The following JAK1 variants were observed in gnomAD, a reference collection of about 807,000 sequenced individuals.
JAK1 encodes Janus kinase 1.
In JAK1, 16 loss-of-function variants were observed where a neutral mutation model predicts 136.6. The ratio of observed to expected loss-of-function variants is 0.12; its 90% CI spans 0.08 to 0.18. The LOEUF is 0.18. Among genes scored for constraint, JAK1 ranks in the 10% least tolerant of loss-of-function variants. The probability of loss-of-function intolerance (pLI) is 1.00; values close to 1 mark genes in which losing one functional copy is unlikely to be tolerated. For missense variants in JAK1, 859 were observed against 1,450.1 expected (o/e 0.59, Z 6.62); for synonymous variants, 492 against 519.5 (o/e 0.95, Z 0.72).
At chr1:64,954,357 TA>T (rs925806955) in intron 1 of JAK1, among the ~76,000 whole-genome samples, 117 of 152,292 alleles carry the variant, frequency 7.7e-4, no homozygotes, top group African/African-American at 2.7e-3. Context: ...ACTGACACAG[TA>T]AAAGCTAATA....
intron 20 of JAK1, among the ~76,000 whole-genome samples, chr1:64,839,067 A>G (rs1654699733): frequency 6.9e-6 from 1 of 144,634 alleles, no homozygotes. Context: ...AATGGCGTGA[A>G]CCCGGGAGGC....
At position 64,984,278 on chromosome 1, in the gene JAK1, T is replaced by C. The variant is rs1265841062; in HGVS notation, c.-78+60202A>G. Among the ~76,000 whole-genome samples the C allele has an allele frequency of 1.3e-5, 2 of 152,166 alleles. No individual in the cohort carries two copies. The highest frequency in any genetic ancestry group is 2.9e-5 in the Non-Finnish European group (2 of 68,036). On this transcript the variant is annotated intron_variant, in intron 2 of 25. Coordinates refer to the JAK1 transcript ENST00000671954. The surrounding 1 kb of genome is among the most constrained non-coding windows in gnomAD (Gnocchi z 4.1). ...CTGGTAAGTCTGCGGTTGGGGGAACTGCACCTTACTTTTCCTCCCCTATAT... is the reference window on the plus strand; with the variant it reads ...CTGGTAAGTCTGCGGTTGGGGGAACCGCACCTTACTTTTCCTCCCCTATAT...
At chr1:65,004,910 A>G (rs1646791562) in intron 2 of JAK1, among the ~76,000 whole-genome samples, 1 of 152,164 alleles carries the variant, frequency 6.6e-6, no homozygotes, top group South Asian at 2.1e-4. Context: ...TTTATTTCTG[A>G]TATCGTGAAG....
intron 1 of JAK1, among the ~76,000 whole-genome samples, chr1:64,945,264 G>A (rs1441002772): frequency 6.6e-6 from 1 of 152,028 alleles, no homozygotes; most frequent in Non-Finnish European, 1.5e-5. Flanking sequence ...TTCAAGGCAT[G>A]GAAAAAGGTA....
intron 18 of JAK1, 50 bp downstream of exon 18, chr1:64,841,401 G>C (rs370404017): frequency 9.9e-6 from 16 of 1,612,394 alleles, no homozygotes; most frequent in African/African-American, 6.7e-5. Flanking sequence ...TGCCACCCAG[G>C]CTCCTGTTTC....
At chr1:65,005,126 A>G (rs1338006598) in intron 2 of JAK1, among the ~76,000 whole-genome samples, 1 of 152,186 alleles carries the variant, frequency 6.6e-6, no homozygotes. Flanking sequence ...AAAGCATTTT[A>G]TCAAACGAAA....
chr1:64,853,516 TCTC>T (rs965266339), intron 11 of JAK1, among the ~76,000 whole-genome samples: 18 of 152,274 alleles, frequency 1.2e-4, no homozygotes, highest in African/African-American at 4.1e-4. Context: ...ACATGAAAGA[TCTC>T]CAAACAACGC....
intron 2 of JAK1, chr1:64,991,516 A>G (rs1227451384): frequency 6.6e-6 from 1 of 152,230 alleles, no homozygotes; most frequent in Non-Finnish European, 1.5e-5. Context: ...CTCAAACTAA[A>G]TAATTACATG....
At chr1:64,902,548 T>TTG (rs1645123001) in intron 1 of JAK1, among the ~76,000 whole-genome samples, 724 of 54,916 alleles carry the variant, frequency 0.013, 5 homozygotes, top group African/African-American at 0.061. Flanking sequence ...ACTCATGAAT[T>TTG]TGTGAGAGAG....
intron 2 of JAK1, among the ~76,000 whole-genome samples, chr1:64,999,955 T>C (rs749004998): frequency 1.3e-5 from 2 of 151,660 alleles, no homozygotes; most frequent in Non-Finnish European, 2.9e-5. Flanking sequence ...TTATAGAAAG[T>C]CTGGGAAAAT....
chr1:64,924,416 T>G (rs569646187), intron 1 of JAK1, among the ~76,000 whole-genome samples: 17 of 152,170 alleles, frequency 1.1e-4, no homozygotes, highest in Non-Finnish European at 2.2e-4. Context: ...TCCACAGGAC[T>G]ATTGCTGTGC....
At chr1:65,008,568 A>G (rs564114483) in intron 2 of JAK1, among the ~76,000 whole-genome samples, 134 of 152,004 alleles carry the variant, frequency 8.8e-4, no homozygotes, top group Middle Eastern at 3.4e-3. Context: ...AGCATGCCCC[A>G]CTGACTTTTC....
rs367997081 is a variant in JAK1 at position 64,879,142 on chromosome 1, G to C, written c.212C>G (p.Ser71Cys). ...CIRAAQACRI[S>C]PLCHNLFALY... ...GGCAAAGAGGTTGTGACAAAGAGGA[G>C]AGATACCTGAGGAAAAGTAAAAAAA... The change falls in exon 4 of 25, where the codon TCT (serine) becomes TGT (cysteine). Residue 71 changes from serine (S) to cysteine (C), a missense_variant. By Grantham distance (112) the Ser-to-Cys change is moderately radical. This residue lies in a region of JAK1 where 353 missense variants were observed against 494.0 expected (regional missense o/e 0.71). Coordinates refer to ENST00000342505, the MANE Select transcript of JAK1 (RefSeq NM_002227.4). The C allele has an allele frequency of 1.2e-6, 2 of 1,613,940 alleles. No individual in the cohort carries two copies. The highest frequency in any genetic ancestry group is 1.7e-5 in the Admixed American group (1 of 59,990).
At chr1:64,862,655 ACAGGATGGGG>A (rs1656423537) in intron 8 of JAK1, among the ~76,000 whole-genome samples, 1 of 152,190 alleles carries the variant, frequency 6.6e-6, no homozygotes, top group Admixed American at 6.5e-5. Context: ...CCAGGACAGG[ACAGGATGGGG>A]CAGGCTCATA....
At chr1:64,929,737 A>G (rs1021544536) in intron 1 of JAK1, among the ~76,000 whole-genome samples, 3 of 152,146 alleles carry the variant, frequency 2.0e-5, no homozygotes, top group African/African-American at 4.8e-5. Flanking sequence ...AATCTCTTGC[A>G]AAAAGAACAA....
upstream of JAK1, among the ~76,000 whole-genome samples, chr1:64,967,968 A>C (rs767944167): frequency 1.3e-5 from 2 of 152,318 alleles, no homozygotes; most frequent in East Asian, 1.9e-4. Flanking sequence ...TTAAATAGGG[A>C]TAATGCCTTC....
At chr1:65,043,878 C>T (rs1269136762) in intron 2 of JAK1, among the ~76,000 whole-genome samples, 1 of 152,108 alleles carries the variant, frequency 6.6e-6, no homozygotes, top group Non-Finnish European at 1.5e-5. Flanking sequence ...CCCACCACCA[C>T]ACCTGGCTAA....
intron 1 of JAK1, among the ~76,000 whole-genome samples, chr1:65,047,186 A>T (rs77805229): frequency 0.064 from 9,793 of 151,896 alleles, 388 homozygotes; most frequent in Admixed American, 0.15. Flanking sequence ...TCTCCAAAAA[A>T]TTTTTTTTGT....
At chr1:64,922,742 T>C (rs1645516708) in intron 1 of JAK1, among the ~76,000 whole-genome samples, 1 of 152,108 alleles carries the variant, frequency 6.6e-6, no homozygotes, top group Non-Finnish European at 1.5e-5. Flanking sequence ...AAATGGTTGG[T>C]AAGTAAACAA....
Sources: allele counts gnomAD v4.1 joint callset (sites outside exome capture counted in the v4.1 genomes callset), GRCh38; gene constraint gnomAD v4.1.1; regional missense constraint gnomAD v4.1.1; non-coding constraint Gnocchi (gnomAD v3.1); transcripts MANE v1.5; gene names NCBI Gene and HGNC (gene_info 2026-07-23, HGNC 2026-07-21).